SORCS3: variants seen among roughly 807,000 people sequenced by gnomAD.
SORCS3 encodes the protein sortilin related VPS10 domain containing receptor 3, also known as VPS10 domain-containing receptor SorCS3.
A neutral mutation model predicts 146.3 loss-of-function variants in SORCS3; 57 were observed. The ratio of observed to expected loss-of-function variants is 0.39; its 90% CI spans 0.31 to 0.49. The LOEUF is 0.49. SORCS3 is among the 20% of genes least tolerant of loss of function. The probability of loss-of-function intolerance (pLI) is 0.92; values close to 1 mark genes in which losing one functional copy is unlikely to be tolerated. For missense variants in SORCS3, 1,341 were observed against 1,575.5 expected (o/e 0.85, Z 2.52); for synonymous variants, 653 against 618.5 (o/e 1.06, Z -0.83).
At chr10:104,692,905 G>T (rs555939744) in intron 1 of SORCS3, among the ~76,000 whole-genome samples, 10 of 152,322 alleles carry the variant, frequency 6.6e-5, no homozygotes, top group African/African-American at 2.4e-4. Context: ...GTTTAAATCT[G>T]CAGCTGCTGA....
intron 5 of SORCS3, among the ~76,000 whole-genome samples, chr10:105,052,952 C>A (rs1268705344): frequency 6.6e-6 from 1 of 152,138 alleles, no homozygotes; most frequent in Non-Finnish European, 1.5e-5. Context: ...ATACCACAGA[C>A]TGGTTCCAGG....
intron 5 of SORCS3, among the ~76,000 whole-genome samples, chr10:105,061,935 G>C (rs768818786): frequency 6.6e-6 from 1 of 152,112 alleles, no homozygotes; most frequent in Admixed American, 6.6e-5. Flanking sequence ...CATCAGCTGC[G>C]GAAAATTCCC....
intron 1 of SORCS3, among the ~76,000 whole-genome samples, chr10:104,643,161 G>C (rs1050519994): frequency 1.3e-5 from 2 of 152,178 alleles, no homozygotes; most frequent in African/African-American, 4.8e-5. Flanking sequence ...GGAGGATGAC[G>C]GGTGTCTGTA....
intron 13 of SORCS3, among the ~76,000 whole-genome samples, chr10:105,171,120 C>G (rs1027694234): frequency 6.6e-6 from 1 of 152,074 alleles, no homozygotes; most frequent in African/African-American, 2.4e-5. Flanking sequence ...TAAATAATAG[C>G]TACATCACCT....
intron 4 of SORCS3, among the ~76,000 whole-genome samples, chr10:104,994,431 A>T (rs1368969480): frequency 6.6e-6 from 1 of 152,210 alleles, no homozygotes; most frequent in Non-Finnish European, 1.5e-5. Context: ...CAGATTTTTT[A>T]AACAACTTTA....
intron 1 of SORCS3, among the ~76,000 whole-genome samples, chr10:104,745,755 C>T (rs926568083): frequency 6.6e-6 from 1 of 152,158 alleles, no homozygotes; most frequent in African/African-American, 2.4e-5. Context: ...TCCCAGCCCC[C>T]AGACACCAGC....
chr10:105,223,638 T>C (rs1262895078), intron 20 of SORCS3, among the ~76,000 whole-genome samples: 4 of 152,178 alleles, frequency 2.6e-5, no homozygotes. Flanking sequence ...AAATGTAGGG[T>C]TGCCAAAATT....
At chr10:104,929,333 A>T (rs2019182197) in intron 3 of SORCS3, among the ~76,000 whole-genome samples, 1 of 152,178 alleles carries the variant, frequency 6.6e-6, no homozygotes, top group Non-Finnish European at 1.5e-5. Context: ...CTGCTCAGTG[A>T]CACCTCCCAA....
intron 2 of SORCS3, among the ~76,000 whole-genome samples, chr10:104,856,271 GTCTC>G (rs573415575): frequency 1.3e-5 from 2 of 148,476 alleles, no homozygotes; most frequent in Non-Finnish European, 3.0e-5. Flanking sequence ...TAATTGGTTG[GTCTC>G]TCTCTCTCTC....
At chr10:104,892,705 G>A (rs2018760778) in intron 2 of SORCS3, among the ~76,000 whole-genome samples, 1 of 151,808 alleles carries the variant, frequency 6.6e-6, no homozygotes, top group Non-Finnish European at 1.5e-5. Flanking sequence ...CTGAGCAACA[G>A]AGTGAGATTC....
intron 1 of SORCS3, among the ~76,000 whole-genome samples, chr10:104,751,198 A>G (rs2016979306): frequency 6.6e-6 from 1 of 152,182 alleles, no homozygotes; most frequent in Admixed American, 6.5e-5. Flanking sequence ...AGCCACAGAG[A>G]GATAAATTTG....
At chr10:104,648,591 T>G (rs1161622794) in intron 1 of SORCS3, among the ~76,000 whole-genome samples, 1 of 152,140 alleles carries the variant, frequency 6.6e-6, no homozygotes, top group African/African-American at 2.4e-5. Flanking sequence ...ACAAGCTAGT[T>G]AATGTTGGAC....
At chr10:104,647,081 C>A (rs1387648785) in intron 1 of SORCS3, among the ~76,000 whole-genome samples, 3 of 152,192 alleles carry the variant, frequency 2.0e-5, no homozygotes, top group African/African-American at 7.2e-5. Context: ...GATTTCAGAA[C>A]TTGACAGCTA....
chr10:104,661,243 G>T (rs983194041), intron 1 of SORCS3, among the ~76,000 whole-genome samples: 1 of 152,044 alleles, frequency 6.6e-6, no homozygotes. Flanking sequence ...CCCAGAACAG[G>T]GGCCCATGGA....
chr10:104,759,912 G>T (rs1234776161), intron 1 of SORCS3, among the ~76,000 whole-genome samples: 1 of 152,144 alleles, frequency 6.6e-6, no homozygotes, highest in African/African-American at 2.4e-5. Context: ...CTAGTGGACA[G>T]AATAATTTCA....
chr10:104,981,654 AT>A (rs1173355879), intron 4 of SORCS3, among the ~76,000 whole-genome samples: 1 of 152,192 alleles, frequency 6.6e-6, no homozygotes, highest in Non-Finnish European at 1.5e-5. Context: ...TGCTGTTCTC[AT>A]TGCTGTACAG....
chr10:105,202,834 C>G (rs751837267), intron 16 of SORCS3, among the ~76,000 whole-genome samples: 7 of 152,154 alleles, frequency 4.6e-5, no homozygotes, highest in Non-Finnish European at 8.8e-5. Flanking sequence ...CAATAAAAAG[C>G]TAAAGTTCAA....
rs76781511 is a variant in SORCS3 at position 105,175,461 on chromosome 10, G to A, written c.1902-2605G>A. Among the ~76,000 whole-genome samples the A allele has an allele frequency of 3.3e-4, 50 of 152,128 alleles. 1 individual carries two copies. The East Asian group carries it at 5.2e-3, about 16-fold the overall frequency. ...GACAAAAACCAATTTACCCAAAGTC[G>A]CCAAAACAAACCAAACAAAAAACCC... On this transcript the variant is annotated intron_variant, in intron 13 of 26. Coordinates refer to ENST00000369701, the MANE Select transcript of SORCS3 (RefSeq NM_014978.3).
At chr10:105,120,757 T>A (rs990941587) in intron 7 of SORCS3, among the ~76,000 whole-genome samples, 1 of 152,236 alleles carries the variant, frequency 6.6e-6, no homozygotes, top group Non-Finnish European at 1.5e-5. Context: ...TTTGCCTTTA[T>A]AATAAAATAT....
Sources: gnomAD v4.1 joint callset for allele counts (sites outside exome capture counted in the v4.1 genomes callset) on GRCh38, gnomAD v4.1.1 for gene constraint, MANE v1.5 for transcripts, NCBI Gene and HGNC (gene_info 2026-07-23, HGNC 2026-07-21) for gene names.